The following PTPRD variants were observed in gnomAD, a reference collection of about 807,000 sequenced individuals.
PTPRD encodes protein tyrosine phosphatase receptor type D.
Under a neutral mutation model 214.5 loss-of-function variants are expected in PTPRD, and 34 were observed. The ratio of observed to expected loss-of-function variants is 0.16; its 90% CI spans 0.12 to 0.21. PTPRD has a LOEUF of 0.21. Ranked by LOEUF, PTPRD falls within the 10% of genes least tolerant of loss-of-function variation. The pLI, the probability that PTPRD is intolerant of heterozygous loss-of-function variation, is 1.00. For synonymous variants in PTPRD, 1,128 were observed against 845.7 expected, an observed-to-expected ratio of 1.33 and a Z score of -5.79; for missense variants, 2,545 against 2,398.7, an observed-to-expected ratio of 1.06 and a Z score of -1.27.
chr9:8,418,738 A>G (rs926657522), intron 35 of PTPRD, among the ~76,000 whole-genome samples: 3 of 152,106 alleles, frequency 2.0e-5, no homozygotes, highest in Admixed American at 1.3e-4. Flanking sequence ...ATCAATGCTG[A>G]TAGCTGTAAA....
At chr9:9,039,877 G>A (rs145982458) in intron 10 of PTPRD, among the ~76,000 whole-genome samples, 423 of 152,198 alleles carry the variant, frequency 2.8e-3, no homozygotes, top group African/African-American at 9.8e-3. Context: ...CTCAAAGCTG[G>A]TGGGCTGACC....
chr9:8,771,487 T>A (rs370992754), intron 11 of PTPRD, among the ~76,000 whole-genome samples: 2 of 152,190 alleles, frequency 1.3e-5, no homozygotes, highest in Non-Finnish European at 2.9e-5. Context: ...AGGTGACAAG[T>A]CTAAGTCAGT....
At chr9:8,798,915 A>T (rs144222466) in intron 11 of PTPRD, among the ~76,000 whole-genome samples, 1 of 152,160 alleles carries the variant, frequency 6.6e-6, no homozygotes, top group African/African-American at 2.4e-5. Context: ...CATAATAACG[A>T]CTCAGAGCCT....
At chr9:9,045,856 G>A (rs548708460) in intron 10 of PTPRD, among the ~76,000 whole-genome samples, 4 of 152,204 alleles carry the variant, frequency 2.6e-5, no homozygotes, top group African/African-American at 9.6e-5. Flanking sequence ...ACTTTTTAGG[G>A]TTGTGAATAT....
intron 11 of PTPRD, among the ~76,000 whole-genome samples, chr9:8,761,542 G>C (rs944788493): frequency 2.6e-5 from 4 of 152,084 alleles, no homozygotes; most frequent in African/African-American, 9.7e-5. Context: ...TTAAAACCCA[G>C]GGTTGCAGCA....
rs2135950118 is a variant in PTPRD at position 8,486,109 on chromosome 9, A to G, written c.2708T>C (p.Phe903Ser). Residue 903 changes from phenylalanine (F) to serine (S), a missense_variant, in exon 28 of 46, where the codon TTT (phenylalanine) becomes TCT (serine). Physicochemically the swap from Phe to Ser is radical, Grantham distance 155. Coordinates refer to ENST00000381196, the MANE Select transcript of PTPRD (RefSeq NM_002839.4). ...FRLSARNKVG[F>S]GEEMVKEISI... Reference sequence around the variant, plus strand: ...AATCTCCTTCACCATCTCCTCCCCAAAGCCCACTTTGTTTCTGGCTGAGAG... The same window carrying G: ...AATCTCCTTCACCATCTCCTCCCCAGAGCCCACTTTGTTTCTGGCTGAGAG... 1 of 1,614,154 alleles carries G rather than the reference A, an allele frequency of 6.2e-7. No homozygotes were observed. Among genetic ancestry groups the G allele is most frequent in the Non-Finnish European group, 8.5e-7 (1 of 1,180,014 alleles).
chr9:10,137,937 T>C (rs2098954449), intron 3 of PTPRD, among the ~76,000 whole-genome samples: 1 of 151,798 alleles, frequency 6.6e-6, no homozygotes, highest in Admixed American at 6.6e-5. Context: ...CATCAAGAAC[T>C]TAGAAATATA....
intron 3 of PTPRD, among the ~76,000 whole-genome samples, chr9:10,049,553 T>G (rs2154152006): frequency 6.6e-6 from 1 of 152,244 alleles, no homozygotes; most frequent in South Asian, 2.1e-4. Context: ...TGCAAAAGAT[T>G]TGAGGTCATT....
intron 2 of PTPRD, among the ~76,000 whole-genome samples, chr9:10,433,182 G>A (rs2098694560): frequency 6.6e-6 from 1 of 151,724 alleles, no homozygotes; most frequent in African/African-American, 2.4e-5. Context: ...CATATGGAAA[G>A]AGACCTTATT....
At chr9:9,147,407 T>C (rs530174608) in intron 10 of PTPRD, among the ~76,000 whole-genome samples, 3 of 152,082 alleles carry the variant, frequency 2.0e-5, no homozygotes, top group Non-Finnish European at 4.4e-5. Flanking sequence ...AGGCCCTTAT[T>C]TGGCACTTAC....
At chr9:9,341,270 G>T (rs562505029) in intron 9 of PTPRD, among the ~76,000 whole-genome samples, 1 of 152,128 alleles carries the variant, frequency 6.6e-6, no homozygotes, top group Admixed American at 6.6e-5. Flanking sequence ...TGTAGGCTCA[G>T]CCTGACTCAG....
chr9:9,428,287 A>G (rs1477569400), intron 8 of PTPRD, among the ~76,000 whole-genome samples: 1 of 152,172 alleles, frequency 6.6e-6, no homozygotes, highest in Non-Finnish European at 1.5e-5. Flanking sequence ...ACAGATTTTA[A>G]ACCAACAAAG....
chr9:9,707,396 T>C (rs2097644248), intron 7 of PTPRD, among the ~76,000 whole-genome samples: 1 of 152,176 alleles, frequency 6.6e-6, no homozygotes, highest in Non-Finnish European at 1.5e-5. Context: ...ATGAGATATA[T>C]TTCATTTGTA....
chr9:9,627,882 G>A (rs923379732), intron 7 of PTPRD, among the ~76,000 whole-genome samples: 2 of 152,128 alleles, frequency 1.3e-5, no homozygotes, highest in East Asian at 3.9e-4. Context: ...ACAGAGGTTA[G>A]AGAAGTTAGA....
rs374424763 is a variant in PTPRD at position 8,838,616 on chromosome 9, A to AT, written c.-103-104671dup. ...AATAACAGGTTATTTAGTTTGACAG[A>AT]TTTTTTTTTTACATTCTATGTGTAT... On this transcript the variant is annotated intron_variant, in intron 11 of 45. Transcript: ENST00000381196. 1.7e-3 allele frequency among the ~76,000 whole-genome samples: 252 copies of AT among 149,956 alleles called. 1 individual carries two copies. Among genetic ancestry groups the AT allele is most frequent in the African/African-American group, 4.7e-3 (192 of 41,036 alleles).
intron 6 of PTPRD, among the ~76,000 whole-genome samples, chr9:9,752,794 C>A (rs1252567801): frequency 6.6e-6 from 1 of 151,936 alleles, no homozygotes; most frequent in Non-Finnish European, 1.5e-5. Context: ...TAAATATGGC[C>A]TGGCACGACC....
chr9:9,981,994 A>G (rs1303371938), intron 4 of PTPRD, among the ~76,000 whole-genome samples: 4 of 152,188 alleles, frequency 2.6e-5, no homozygotes, highest in African/African-American at 9.6e-5. Context: ...TTACTTGATT[A>G]ATTATCAGTA....
At chr9:9,541,643 G>C (rs921722092) in intron 8 of PTPRD, among the ~76,000 whole-genome samples, 14 of 151,796 alleles carry the variant, frequency 9.2e-5, no homozygotes, top group African/African-American at 2.9e-4. Context: ...CTTAGCTATA[G>C]AACAAGCATG....
At chr9:9,798,540 A>T (rs1407626761) in intron 5 of PTPRD, among the ~76,000 whole-genome samples, 1 of 152,164 alleles carries the variant, frequency 6.6e-6, no homozygotes, top group South Asian at 2.1e-4. Context: ...TCAGACAAGA[A>T]TCTTATGACC....
Sources: gnomAD v4.1 joint callset for allele counts (sites outside exome capture counted in the v4.1 genomes callset) on GRCh38, gnomAD v4.1.1 for gene constraint, MANE v1.5 for transcripts, NCBI Gene and HGNC (gene_info 2026-07-23, HGNC 2026-07-21) for gene names.